RALGPS2: variants seen among roughly 807,000 people sequenced by gnomAD.
RALGPS2 encodes ras-specific guanine nucleotide-releasing factor RalGPS2.
Under a neutral mutation model 86.8 loss-of-function variants are expected in RALGPS2, and 43 were observed. The observed-to-expected ratio is 0.50, with a 90% CI of 0.39 to 0.64. RALGPS2 has a LOEUF of 0.64. Ranked by LOEUF, RALGPS2 falls within the 30% of genes least tolerant of loss-of-function variation. The probability of loss-of-function intolerance (pLI) is 0.00; values close to 1 mark genes in which losing one functional copy is unlikely to be tolerated. For synonymous variants in RALGPS2, 243 were observed against 231.3 expected (o/e 1.05, Z -0.46); for missense variants, 536 against 694.6 (o/e 0.77, Z 2.57).
intron 1 of RALGPS2, among the ~76,000 whole-genome samples, chr1:178,734,338 G>T (rs1413315365): frequency 6.6e-6 from 1 of 152,192 alleles, no homozygotes; most frequent in East Asian, 1.9e-4. Context: ...ATACGACCCA[G>T]CAGTTCCTCT....
chr1:178,750,750 C>T (rs543261242), intron 1 of RALGPS2, among the ~76,000 whole-genome samples: 4 of 152,208 alleles, frequency 2.6e-5, no homozygotes, highest in Admixed American at 1.3e-4. Flanking sequence ...TTCTCAAATT[C>T]GTCAAATGTC....
At chr1:178,781,024 A>ATATG (rs1653368459) in intron 2 of RALGPS2, among the ~76,000 whole-genome samples, 1 of 151,714 alleles carries the variant, frequency 6.6e-6, no homozygotes, top group East Asian at 1.9e-4. Flanking sequence ...ATATATATAT[A>ATATG]TATGTATGTG....
chr1:178,885,301 C>T (rs777530698), intron 12 of RALGPS2, 90 bp downstream of exon 12: 3 of 1,254,884 alleles, frequency 2.4e-6, no homozygotes, highest in Admixed American at 6.0e-5. Context: ...AAATGGTATC[C>T]TTGAATAGTT....
intron 4 of RALGPS2, among the ~76,000 whole-genome samples, chr1:178,805,794 A>G (rs1262760998): frequency 6.6e-6 from 1 of 152,124 alleles, no homozygotes; most frequent in African/African-American, 2.4e-5. Flanking sequence ...ATTTTGACTA[A>G]GTAACTATAT....
At chr1:178,825,805 A>G (rs1399248456) in intron 7 of RALGPS2, among the ~76,000 whole-genome samples, 1 of 152,234 alleles carries the variant, frequency 6.6e-6, no homozygotes, top group Non-Finnish European at 1.5e-5. Flanking sequence ...AGTGGCTATC[A>G]TATTGGACAG....
At chr1:178,794,718 C>T (rs1654108415) in intron 4 of RALGPS2, among the ~76,000 whole-genome samples, 1 of 152,118 alleles carries the variant, frequency 6.6e-6, no homozygotes, top group African/African-American at 2.4e-5. Context: ...GGTTTTCTTT[C>T]CAGTAGCAAT....
In RALGPS2 at chr1:178,866,450, A is replaced by G. The variant is rs1400663765; in HGVS notation, c.608-11048A>G. 2.0e-5 allele frequency among the ~76,000 whole-genome samples: 3 copies of G among 152,274 alleles called. No individual in the cohort carries two copies. In the East Asian group the frequency reaches 5.8e-4, roughly 29 times the overall value. On this transcript the variant is annotated intron_variant, in intron 8 of 19. Transcript: ENST00000367635. The stretch of plus-strand genomic sequence containing the variant: ...TTTTGGGATTAGTGACAGGTTTTAG[A>G]ATGATAGAATGCTCACAGTCATTGT...
intron 7 of RALGPS2, among the ~76,000 whole-genome samples, chr1:178,830,433 G>A (rs1655963211): frequency 6.6e-6 from 1 of 152,124 alleles, no homozygotes; most frequent in Non-Finnish European, 1.5e-5. Context: ...TGTTTTTACA[G>A]GATTCTGATA....
intron 1 of RALGPS2, among the ~76,000 whole-genome samples, chr1:178,733,774 CAT>C (rs1193457680): frequency 6.6e-6 from 1 of 152,172 alleles, no homozygotes; most frequent in Non-Finnish European, 1.5e-5. Flanking sequence ...TAGAAGAAAA[CAT>C]AGGGGTAAAT....
At chr1:178,846,877 A>G (rs1041059424) in intron 8 of RALGPS2, among the ~76,000 whole-genome samples, 4 of 152,206 alleles carry the variant, frequency 2.6e-5, no homozygotes, top group African/African-American at 7.2e-5. Context: ...AGGCCTATAT[A>G]GCTGACACTG....
At chr1:178,781,494 TCTC>T (rs1440303379) in intron 2 of RALGPS2, among the ~76,000 whole-genome samples, 1 of 152,200 alleles carries the variant, frequency 6.6e-6, no homozygotes, top group Non-Finnish European at 1.5e-5. Context: ...TTATTGCTAT[TCTC>T]CTGGTGAACA....
intron 1 of RALGPS2, among the ~76,000 whole-genome samples, chr1:178,745,370 T>C (rs1441616326): frequency 1.3e-5 from 2 of 152,310 alleles, no homozygotes; most frequent in South Asian, 2.1e-4. Context: ...CTATCTGATA[T>C]CACAATTTAT....
intron 8 of RALGPS2, among the ~76,000 whole-genome samples, chr1:178,864,191 G>C (rs1266099881): frequency 6.6e-6 from 1 of 152,072 alleles, no homozygotes; most frequent in South Asian, 2.1e-4. Flanking sequence ...TGGACACCTA[G>C]ATCAGTGACT....
intron 8 of RALGPS2, chr1:178,851,158 C>CT: frequency 6.2e-7 from 1 of 1,613,642 alleles, no homozygotes; most frequent in Non-Finnish European, 8.5e-7. Flanking sequence ...ATCATCTGAA[C>CT]TGCTCTTAAG....
chr1:178,858,860 TTTACAAAGAGAATTACAGA>T (rs1391639673), intron 8 of RALGPS2, among the ~76,000 whole-genome samples: 1 of 152,160 alleles, frequency 6.6e-6, no homozygotes, highest in African/African-American at 2.4e-5. Context: ...AAAAAGAGCT[TTTACAAAGAGAATTACAGA>T]TTACAAAGAG....
chr1:178,883,847 G>A (rs1220214224), intron 11 of RALGPS2, among the ~76,000 whole-genome samples: 1 of 152,046 alleles, frequency 6.6e-6, no homozygotes, highest in African/African-American at 2.4e-5. Flanking sequence ...AAATTAGCCG[G>A]GTGTGGTGGC....
At chr1:178,797,941 AT>A (rs1654274440) in intron 4 of RALGPS2, among the ~76,000 whole-genome samples, 1 of 150,968 alleles carries the variant, frequency 6.6e-6, no homozygotes, top group African/African-American at 2.4e-5. Context: ...ATTTTTTTCA[AT>A]AAATATTTTG....
chr1:178,881,958 C>T (rs1181222768), intron 10 of RALGPS2, among the ~76,000 whole-genome samples: 5 of 152,190 alleles, frequency 3.3e-5, no homozygotes, highest in African/African-American at 1.2e-4. Flanking sequence ...ACTTCATCTA[C>T]ATAGGCAGCC....
intron 8 of RALGPS2, among the ~76,000 whole-genome samples, chr1:178,843,689 G>GAA (rs1030899772): frequency 6.8e-6 from 1 of 146,970 alleles, no homozygotes; most frequent in South Asian, 2.2e-4. Context: ...ACCAAAAAGG[G>GAA]AAAAAAAAAC....
Sources: gnomAD v4.1 joint callset for allele counts (sites outside exome capture counted in the v4.1 genomes callset) on GRCh38, gnomAD v4.1.1 for gene constraint, MANE v1.5 for transcripts, NCBI Gene and HGNC (gene_info 2026-07-23, HGNC 2026-07-21) for gene names.